The following PKNOX2 variants were observed in gnomAD, a reference collection of about 807,000 sequenced individuals.
PKNOX2 encodes the protein PBX/knotted 1 homeobox 2, also known as homeobox protein PKNOX2.
A neutral mutation model predicts 53.1 loss-of-function variants in PKNOX2; 14 were observed. The observed-to-expected ratio is 0.26, with a 90% CI of 0.17 to 0.41. The LOEUF (loss-of-function observed/expected upper bound fraction) is 0.41, where lower values mean the gene tolerates loss of function less well. PKNOX2 is among the 10% of genes least tolerant of loss of function. The pLI is 1.00. For synonymous variants in PKNOX2, 257 were observed against 242.8 expected (o/e 1.06, Z -0.54); for missense variants, 496 against 602.8 (o/e 0.82, Z 1.85).
chr11:125,209,415 A>G (rs1384389599), intron 1 of PKNOX2, among the ~76,000 whole-genome samples: 2 of 152,036 alleles, frequency 1.3e-5, no homozygotes, highest in Non-Finnish European at 2.9e-5. Context: ...GCGCGCACAC[A>G]CACTCACAAT....
At chr11:125,406,574 G>A (rs1204034083) in intron 7 of PKNOX2, among the ~76,000 whole-genome samples, 1 of 152,186 alleles carries the variant, frequency 6.6e-6, no homozygotes, top group Non-Finnish European at 1.5e-5. Context: ...AAATGTGCCA[G>A]GCACTGTGCT....
At position 125,278,669 on chromosome 11, in the gene PKNOX2, A is replaced by G. The variant is rs80016960; in HGVS notation, c.-130+43554A>G. Among the ~76,000 whole-genome samples, 254 of 152,292 alleles carry G rather than the reference A, an allele frequency of 1.7e-3. 1 individual carries two copies. Among genetic ancestry groups the G allele is most frequent in the South Asian group, 7.3e-3 (35 of 4,824 alleles). On this transcript the variant is annotated intron_variant, in intron 2 of 12. Transcript: ENST00000298282. ...CTGGATTAGTACAATTGATGAGTGA[A>G]TATCGGGGTGGTGGACACAGCCCAT...
At chr11:125,350,425 C>A (rs1951231310) in intron 3 of PKNOX2, among the ~76,000 whole-genome samples, 1 of 152,144 alleles carries the variant, frequency 6.6e-6, no homozygotes, top group South Asian at 2.1e-4. Context: ...ACAAGTCCCC[C>A]AACCCCCGCC....
At chr11:125,267,816 G>T (rs1400680747) in intron 2 of PKNOX2, among the ~76,000 whole-genome samples, 1 of 152,124 alleles carries the variant, frequency 6.6e-6, no homozygotes, top group Non-Finnish European at 1.5e-5. Flanking sequence ...TGGGTTGATA[G>T]ATCTGTGAGG....
Position 125,308,406 on chromosome 11 carries a change from A to T in PKNOX2, c.-129-23413A>T, listed in dbSNP as rs564297043. 2.0e-3 allele frequency among the ~76,000 whole-genome samples: 297 copies of T among 152,246 alleles called. 1 individual carries two copies. Among genetic ancestry groups the T allele is most frequent in the Non-Finnish European group, 2.9e-3 (198 of 68,010 alleles). On this transcript the variant is annotated intron_variant, in intron 2 of 12. Transcript: ENST00000298282. The stretch of plus-strand genomic sequence containing the variant: ...CAGTCCTGCTCATGCTCTGGGGAAG[A>T]CTCAGCGGGAGCTGCATTCCTCCAG...
intron 7 of PKNOX2, among the ~76,000 whole-genome samples, chr11:125,404,114 G>T (rs78695272): frequency 0.027 from 4,046 of 152,210 alleles, 160 homozygotes; most frequent in African/African-American, 0.08. Flanking sequence ...GGATGGGGCT[G>T]GGGTAGGGGG....
chr11:125,305,994 G>A (rs1418134318), intron 2 of PKNOX2, among the ~76,000 whole-genome samples: 1 of 152,028 alleles, frequency 6.6e-6, no homozygotes, highest in Non-Finnish European at 1.5e-5. Flanking sequence ...CCCAGATTGT[G>A]TTTTTCCTTT....
intron 5 of PKNOX2, among the ~76,000 whole-genome samples, chr11:125,383,621 A>C (rs952469102): frequency 6.6e-6 from 1 of 152,126 alleles, no homozygotes; most frequent in African/African-American, 2.4e-5. Flanking sequence ...TCAAAAAAAC[A>C]AACAAACAAA....
chr11:125,408,098 G>A (rs1032078197), intron 7 of PKNOX2, among the ~76,000 whole-genome samples: 4 of 152,210 alleles, frequency 2.6e-5, no homozygotes, highest in Non-Finnish European at 4.4e-5. Flanking sequence ...CAGAACCGGT[G>A]TAGGGGGCAT....
Position 125,397,987 on chromosome 11 carries a change from C to A in PKNOX2, c.513C>A (p.His171Gln). 1 of 1,614,176 alleles carries A rather than the reference C, an allele frequency of 6.2e-7. No individual in the cohort carries two copies. The highest frequency in any genetic ancestry group is 8.5e-7 in the Non-Finnish European group (1 of 1,180,016). ...RYITCLKTKM[H>Q]SDNLLRNDLG... ...TCACCTGCCTCAAAACCAAGATGCA[C>A]AGCGACAACCTGCTCAGGAATGATC... The change falls in exon 7 of 13, where the codon CAC (histidine) becomes CAA (glutamine). Residue 171 changes from histidine (H) to glutamine (Q), a missense_variant. Coordinates refer to ENST00000298282, the MANE Select transcript of PKNOX2 (RefSeq NM_001382323.2).
intron 1 of PKNOX2, among the ~76,000 whole-genome samples, chr11:125,170,094 G>C (rs1320908804): frequency 6.6e-6 from 1 of 152,180 alleles, no homozygotes; most frequent in East Asian, 1.9e-4. Context: ...GAGGGGGTTG[G>C]GTGCTGGTCT....
intron 4 of PKNOX2, among the ~76,000 whole-genome samples, chr11:125,353,068 A>G (rs1951404188): frequency 6.6e-6 from 1 of 152,040 alleles, no homozygotes; most frequent in Non-Finnish European, 1.5e-5. Flanking sequence ...TTCCCATTCC[A>G]CTCAGCCAGC....
chr11:125,361,655 G>A (rs1951933504), intron 4 of PKNOX2, among the ~76,000 whole-genome samples: 1 of 152,140 alleles, frequency 6.6e-6, no homozygotes. Context: ...TTGGTGTGCT[G>A]CACCCATTAA....
chr11:125,209,450 G>A (rs1208657206), intron 1 of PKNOX2, among the ~76,000 whole-genome samples: 1 of 152,158 alleles, frequency 6.6e-6, no homozygotes, highest in East Asian at 1.9e-4. Context: ...ATGGGATGGA[G>A]GGTCAGAGAC....
At chr11:125,420,228 T>TAA (rs34911472) in intron 10 of PKNOX2, among the ~76,000 whole-genome samples, 42,391 of 145,404 alleles carry the variant, frequency 0.29, 6,974 homozygotes, top group East Asian at 0.57. Flanking sequence ...GTTTTTTATT[T>TAA]AAAAAAAAAA....
rs777354694 is a variant in PKNOX2 at position 125,367,952 on chromosome 11, C to A, written c.194C>A (p.Ala65Asp). The A allele has an allele frequency of 6.8e-6, 11 of 1,613,296 alleles. No individual in the cohort carries two copies. The East Asian group carries it at 2.2e-4, about 33-fold the overall frequency. Residue 65 changes from alanine (A) to aspartate (D), a missense_variant, in exon 5 of 13, where the codon GCC becomes GAC. By Grantham distance (126) the Ala-to-Asp change is moderately radical. Coordinates refer to ENST00000298282, the MANE Select transcript of PKNOX2 (RefSeq NM_001382323.2). Reference protein sequence around the residue: ...PVPSAPIDPQAQLEADKRAVY... With the variant: ...PVPSAPIDPQDQLEADKRAVY... ...CCCAGTGCCCCCATCGACCCCCAGG[C>A]CCAGCTGGAGGCTGACAAGCGAGCT...
intron 1 of PKNOX2, among the ~76,000 whole-genome samples, chr11:125,190,705 G>A (rs1318994273): frequency 6.6e-6 from 1 of 151,970 alleles, no homozygotes; most frequent in African/African-American, 2.4e-5. Flanking sequence ...CACTTTCCTG[G>A]GCTCTCACTC....
chr11:125,384,600 C>T (rs992670282), intron 5 of PKNOX2, among the ~76,000 whole-genome samples: 5 of 152,126 alleles, frequency 3.3e-5, no homozygotes, highest in African/African-American at 1.2e-4. Context: ...AGGAGAATGG[C>T]GTGAACCCAG....
At chr11:125,228,267 T>G in intron 1 of PKNOX2, among the ~76,000 whole-genome samples, 1 of 152,338 alleles carries the variant, frequency 6.6e-6, no homozygotes, top group South Asian at 2.1e-4. Flanking sequence ...GGACTGAATT[T>G]TACATTTCAT....
Sources: gnomAD v4.1 joint callset for allele counts (sites outside exome capture counted in the v4.1 genomes callset) on GRCh38, gnomAD v4.1.1 for gene constraint, MANE v1.5 for transcripts, NCBI Gene and HGNC (gene_info 2026-07-23, HGNC 2026-07-21) for gene names.